The following LRRC4C variants were observed in gnomAD, a reference collection of about 807,000 sequenced individuals.
LRRC4C encodes the protein leucine rich repeat containing 4C.
LRRC4C carries 5 observed loss-of-function variants against 33.6 expected under a neutral mutation model. The ratio of observed to expected loss-of-function variants is 0.15; its 90% CI spans 0.08 to 0.31. The LOEUF (loss-of-function observed/expected upper bound fraction) is 0.31, where lower values mean the gene tolerates loss of function less well. Among genes scored for constraint, LRRC4C ranks in the 10% least tolerant of loss-of-function variants. The pLI, the probability that LRRC4C is intolerant of heterozygous loss-of-function variation, is 1.00. For synonymous variants in LRRC4C, 329 were observed against 302.0 expected (o/e 1.09, Z -0.93); for missense variants, 560 against 796.7 (o/e 0.70, Z 3.58).
At chr11:40,802,429 G>A (rs1027861288) in intron 2 of LRRC4C, among the ~76,000 whole-genome samples, 2 of 151,930 alleles carry the variant, frequency 1.3e-5, no homozygotes, top group African/African-American at 4.8e-5. Flanking sequence ...TATACTGAAT[G>A]GAGAGAAATG....
chr11:41,163,284 G>GTTTTTTTTCTTTTTTTTTTTTTTTT (rs1944557446), intron 1 of LRRC4C, among the ~76,000 whole-genome samples: 1 of 73,382 alleles, frequency 1.4e-5, no homozygotes, highest in African/African-American at 5.0e-5. Flanking sequence ...TACTGTAACT[G>GTTTTTTTTCTTTTTTTTTTTTTTTT]TTTTTTTTTT....
intron 3 of LRRC4C, among the ~76,000 whole-genome samples, chr11:40,393,274 G>C (rs1949407596): frequency 6.6e-6 from 1 of 152,036 alleles, no homozygotes; most frequent in Non-Finnish European, 1.5e-5. Context: ...CTACGTACAT[G>C]CTTGTCTTGA....
At chr11:40,333,886 G>A (rs1946478522) in intron 3 of LRRC4C, among the ~76,000 whole-genome samples, 1 of 151,976 alleles carries the variant, frequency 6.6e-6, no homozygotes, top group Non-Finnish European at 1.5e-5. Context: ...TGGTATTGTT[G>A]TGTGGAAGAG....
At chr11:40,546,376 A>G (rs985142676) in intron 3 of LRRC4C, among the ~76,000 whole-genome samples, 2 of 151,976 alleles carry the variant, frequency 1.3e-5, no homozygotes, top group African/African-American at 2.4e-5. Context: ...ACCACCTTCT[A>G]TCTGTATTAC....
intron 2 of LRRC4C, among the ~76,000 whole-genome samples, chr11:40,798,500 G>A (rs1217442065): frequency 6.6e-6 from 1 of 152,060 alleles, no homozygotes; most frequent in African/African-American, 2.4e-5. Flanking sequence ...CTCCATTTAT[G>A]TTGCCTAATT....
At chr11:40,881,459 A>C (rs1364361568) in intron 2 of LRRC4C, among the ~76,000 whole-genome samples, 5 of 152,148 alleles carry the variant, frequency 3.3e-5, no homozygotes, top group African/African-American at 1.2e-4. Context: ...CAAAGCAATA[A>C]AAACAAATCA....
chr11:40,770,855 C>T (rs547500801), intron 2 of LRRC4C, among the ~76,000 whole-genome samples: 3 of 152,234 alleles, frequency 2.0e-5, no homozygotes, highest in South Asian at 4.1e-4. Context: ...GAGGTGGGCT[C>T]CCATGGCCTT....
chr11:41,245,136 C>T (rs901345544), intron 1 of LRRC4C, among the ~76,000 whole-genome samples: 20 of 152,110 alleles, frequency 1.3e-4, no homozygotes, highest in East Asian at 3.9e-4. Context: ...TAATATTCAC[C>T]TCTTTAAGGT....
intron 3 of LRRC4C, among the ~76,000 whole-genome samples, chr11:40,630,330 CT>C (rs1963348218): frequency 1.5e-5 from 2 of 135,536 alleles, no homozygotes; most frequent in Non-Finnish European, 3.1e-5. Context: ...TTTCTTCTTC[CT>C]CTTCTTCTTC....
At chr11:40,504,486 G>A (rs866102429) in intron 3 of LRRC4C, among the ~76,000 whole-genome samples, 2 of 152,002 alleles carry the variant, frequency 1.3e-5, no homozygotes, top group Middle Eastern at 6.8e-3. Flanking sequence ...CCTCCAAGTG[G>A]ACAGAATCCA....
At chr11:41,420,835 A>G (rs1328205164) in intron 1 of LRRC4C, among the ~76,000 whole-genome samples, 1 of 152,000 alleles carries the variant, frequency 6.6e-6, no homozygotes, top group Non-Finnish European at 1.5e-5. Flanking sequence ...AACATGACCA[A>G]AACAGTGCCT....
At chr11:40,711,826 A>G (rs1946480234) in intron 2 of LRRC4C, among the ~76,000 whole-genome samples, 1 of 152,228 alleles carries the variant, frequency 6.6e-6, no homozygotes, top group Admixed American at 6.5e-5. Context: ...TTTAATTTAT[A>G]AGTTGGAAAC....
intron 1 of LRRC4C, among the ~76,000 whole-genome samples, chr11:41,179,262 CA>C (rs1945341241): frequency 6.6e-6 from 1 of 150,560 alleles, no homozygotes; most frequent in Admixed American, 6.6e-5. Flanking sequence ...GCATTCAGGG[CA>C]AAATTCAGAC....
intron 5 of LRRC4C, among the ~76,000 whole-genome samples, chr11:40,203,108 G>A (rs1229131204): frequency 6.6e-6 from 1 of 152,088 alleles, no homozygotes; most frequent in Non-Finnish European, 1.5e-5. Context: ...AAATTAGCAA[G>A]CCTTGCACAG....
chr11:40,316,715 G>A (rs914253409), intron 4 of LRRC4C, among the ~76,000 whole-genome samples: 4 of 151,864 alleles, frequency 2.6e-5, no homozygotes, highest in African/African-American at 9.7e-5. Flanking sequence ...TTTATCATAT[G>A]CGTGACTGTA....
intron 2 of LRRC4C, among the ~76,000 whole-genome samples, chr11:40,824,724 C>G (rs1202669039): frequency 6.6e-6 from 1 of 151,974 alleles, no homozygotes; most frequent in African/African-American, 2.4e-5. Context: ...GTCAACGTGT[C>G]TCCATGGGTG....
intron 1 of LRRC4C, among the ~76,000 whole-genome samples, chr11:41,310,884 C>T (rs1950625674): frequency 1.3e-5 from 2 of 152,114 alleles, no homozygotes; most frequent in South Asian, 2.1e-4. Flanking sequence ...CCTTATAAAA[C>T]CTTTAGTACA....
intron 5 of LRRC4C, among the ~76,000 whole-genome samples, chr11:40,228,737 G>A (rs957421428): frequency 6.6e-6 from 1 of 152,180 alleles, no homozygotes; most frequent in Non-Finnish European, 1.5e-5. Context: ...TGTGATCACA[G>A]CTTTTCGTTT....
chr11:40,947,088 T>C (rs533232248), intron 1 of LRRC4C, among the ~76,000 whole-genome samples: 13 of 152,262 alleles, frequency 8.5e-5, no homozygotes, highest in African/African-American at 2.4e-4. Flanking sequence ...TCCTTATCAA[T>C]TAATTTCATT....
Sources: allele counts gnomAD v4.1 joint callset (sites outside exome capture counted in the v4.1 genomes callset), GRCh38; gene constraint gnomAD v4.1.1; transcripts MANE v1.5; gene names NCBI Gene and HGNC (gene_info 2026-07-23, HGNC 2026-07-21).